The following PLD2 variants were observed in gnomAD, a reference collection of about 807,000 sequenced individuals.
PLD2 encodes choline phosphatase 2.
A neutral mutation model predicts 119.8 loss-of-function variants in PLD2; 101 were observed. That is an observed-to-expected ratio of 0.84 (90% CI 0.72 to 0.99). PLD2 has a LOEUF of 0.99. PLD2 is among the 50% of genes least tolerant of loss of function. The pLI, the probability that PLD2 is intolerant of heterozygous loss-of-function variation, is 0.00. For synonymous variants in PLD2, 494 were observed against 482.8 expected (o/e 1.02, Z -0.30); for missense variants, 1,164 against 1,226.8 (o/e 0.95, Z 0.76).
intron 10 of PLD2, 50 bp downstream of exon 10, chr17:4,811,001 C>T: frequency 1.3e-6 from 2 of 1,549,786 alleles, no homozygotes; most frequent in Non-Finnish European, 8.7e-7. Context: ...TCTTGACCCC[C>T]TGTGTAATCT....
At chr17:4,816,047 G>C (rs1276092352) in intron 14 of PLD2, 113 bp downstream of exon 14, 12 of 814,676 alleles carry the variant, frequency 1.5e-5, no homozygotes, top group Non-Finnish European at 2.2e-5. Context: ...CCAACCTCAG[G>C]GTTCCTCAGA....
rs564771972 is a variant in PLD2 at position 4,808,346 on chromosome 17, C to T, written c.313C>T (p.Arg105Cys). ...TTCCTGGACAACCAAGAAGAAATACCGTCATTTTCAGGAGCTGCATCGGGA... is the reference window on the plus strand; with the variant it reads ...TTCCTGGACAACCAAGAAGAAATACTGTCATTTTCAGGAGCTGCATCGGGA... ...DFSWTTKKKY[R>C]HFQELHRDLL... The change falls in exon 4 of 25, where the codon CGT becomes TGT. Residue 105 changes from arginine to cysteine, a missense_variant. Coordinates refer to ENST00000263088, the MANE Select transcript of PLD2 (RefSeq NM_002663.5). This position sits in a 1 kb window ranked among gnomAD's most constrained non-coding sequence, Gnocchi z 4.1. 1.9e-6 allele frequency: 3 copies of T among 1,613,910 alleles called. No individual in the cohort carries two copies. Among genetic ancestry groups the T allele is most frequent in the Non-Finnish European group, 2.5e-6 (3 of 1,179,846 alleles).
chr17:4,811,744 C>T (rs901412524), intron 10 of PLD2, among the ~76,000 whole-genome samples: 1 of 152,166 alleles, frequency 6.6e-6, no homozygotes, highest in African/African-American at 2.4e-5. Flanking sequence ...GCAGGGATAT[C>T]AGGACAGGTT....
chr17:4,819,342 TGCAG>T lies in PLD2; in HGVS notation c.2309-84_2309-81del, dbSNP rs1907398965. 1 of 1,601,050 alleles carries T rather than the reference TGCAG, an allele frequency of 6.2e-7. No homozygotes were observed. Among genetic ancestry groups the T allele is most frequent in the Non-Finnish European group, 8.5e-7 (1 of 1,172,026 alleles). On this transcript the variant is annotated intron_variant, in intron 22 of 24. Transcript: ENST00000263088. This position sits in a 1 kb window ranked among gnomAD's most constrained non-coding sequence, Gnocchi z 4.2. ...GGGTGGAGGGTCCAAGAAGGAATGT[TGCAG>T]GCCAGTGCTTTGGTAGAGGGGATGG... is the stretch of plus-strand genomic sequence containing the variant.
intron 23 of PLD2, among the ~76,000 whole-genome samples, chr17:4,820,505 C>G (rs1167243159): frequency 2.0e-5 from 3 of 148,456 alleles, no homozygotes; most frequent in African/African-American, 7.5e-5. Context: ...TGACCTCAGG[C>G]TTCGGCCTCC....
intron 10 of PLD2, among the ~76,000 whole-genome samples, chr17:4,812,066 C>T (rs150426397): frequency 5.3e-4 from 81 of 151,902 alleles, no homozygotes; most frequent in African/African-American, 1.7e-3. Flanking sequence ...CATCCTGCCT[C>T]GGCCTCCCCA....
rs1348426027 is a variant in PLD2, at chr17:4,807,778, G to A, written c.6G>A (p.Thr2=). M[T]ATPESLFPTG... ...GGCTTCCCAATGTTCCTAGGATGAC[G>A]GCGACCCCTGAGAGCCTCTTCCCCA... The change falls in exon 2 of 25, where the codon ACG becomes ACA. Residue 2 remains threonine (T), a synonymous_variant. Coordinates refer to ENST00000263088, the MANE Select transcript of PLD2 (RefSeq NM_002663.5). This position sits in a 1 kb window ranked among gnomAD's most constrained non-coding sequence, Gnocchi z 5.4. The A allele has an allele frequency of 6.3e-7, 1 of 1,595,956 alleles. No homozygotes were observed. Among genetic ancestry groups the A allele is most frequent in the East Asian group, 2.2e-5 (1 of 44,748 alleles).
chr17:4,809,437 G>C, intron 6 of PLD2, 56 bp from the exon 7 acceptor site: 4 of 1,610,366 alleles, frequency 2.5e-6, no homozygotes, highest in Non-Finnish European at 3.4e-6. Context: ...AGGGGCCCCA[G>C]GGTCTGAGGG....
chr17:4,811,014 G>C, intron 10 of PLD2, 63 bp downstream of exon 10: 1 of 1,498,476 alleles, frequency 6.7e-7, no homozygotes, highest in Non-Finnish European at 9.0e-7. Context: ...TGTAATCTCT[G>C]AGTCCTTCAT....
chr17:4,818,861 C>T lies in PLD2; in HGVS notation c.2173+38C>T, dbSNP rs1907327234. ...GGCTGGGGGCTCAAGCCCTGGGCCC[C>T]TGGGAGAGGGAGATTGGGGCGCTGC... is the stretch of plus-strand genomic sequence containing the variant. On this transcript the variant is annotated intron_variant, in intron 21 of 24. Coordinates refer to ENST00000263088, the MANE Select transcript of PLD2 (RefSeq NM_002663.5). 1.9e-6 allele frequency: 3 copies of T among 1,603,606 alleles called. No homozygotes were observed. In the Admixed American group the frequency reaches 5.0e-5, roughly 27 times the overall value.
In PLD2 at chr17:4,819,329, C is replaced by T; in HGVS notation, c.2309-100C>T. On this transcript the variant is annotated intron_variant, in intron 22 of 24. Coordinates refer to ENST00000263088, the MANE Select transcript of PLD2 (RefSeq NM_002663.5). This position sits in a 1 kb window ranked among gnomAD's most constrained non-coding sequence, Gnocchi z 4.2. ...GAGGCTCGTGTAGGGGTGGAGGGTC[C>T]AAGAAGGAATGTTGCAGGCCAGTGC... 1 of 1,596,730 alleles carries T rather than the reference C, an allele frequency of 6.3e-7. No homozygotes were observed.
intron 11 of PLD2, 46 bp from the exon 12 acceptor site, chr17:4,814,587 T>C (rs1249290329): frequency 6.2e-7 from 1 of 1,613,144 alleles, no homozygotes; most frequent in Non-Finnish European, 8.5e-7. Context: ...GTGCAGCTGG[T>C]GGTCTGGGGC....
At chr17:4,812,765 A>C (rs1007761499) in intron 10 of PLD2, among the ~76,000 whole-genome samples, 1 of 152,162 alleles carries the variant, frequency 6.6e-6, no homozygotes, top group East Asian at 1.9e-4. Context: ...GGGAACATAC[A>C]CTTGCTGATC....
chr17:4,823,045 C>A lies in PLD2; in HGVS notation c.*181C>A, dbSNP rs1907839896. 10 of 576,850 alleles carry A rather than the reference C, an allele frequency of 1.7e-5. No homozygotes were observed. Among genetic ancestry groups the A allele is most frequent in the Middle Eastern group, 4.5e-4 (1 of 2,212 alleles). 35.7% of individuals were successfully genotyped at this position (576,850 alleles called of 1,614,324 possible). On this transcript the variant is annotated 3_prime_UTR_variant, in exon 25 of 25. Coordinates refer to ENST00000263088, the MANE Select transcript of PLD2 (RefSeq NM_002663.5). Reference sequence around the variant, plus strand: ...TGAGAAATAGCTGAAAAGGGCACTCCCAACCCTGGGCTGGGGAGGAGGAGA... The same window carrying A: ...TGAGAAATAGCTGAAAAGGGCACTCACAACCCTGGGCTGGGGAGGAGGAGA...
intron 18 of PLD2, 62 bp from the exon 19 acceptor site, chr17:4,818,235 T>C (rs751549957): frequency 1.8e-4 from 278 of 1,507,450 alleles, no homozygotes; most frequent in Non-Finnish European, 2.5e-4. Context: ...GGACCAAGGC[T>C]GGAGGCCGAG....
intron 14 of PLD2, 38 bp from the exon 15 acceptor site, chr17:4,816,582 T>A (rs1301021778): frequency 6.2e-7 from 1 of 1,610,562 alleles, no homozygotes; most frequent in Admixed American, 1.7e-5. Context: ...GCCCCATGAC[T>A]TCCCCTTGCC....
rs1462153469 is a variant in PLD2, at chr17:4,822,024, C to T, written c.2577+117C>T. On this transcript the variant is annotated intron_variant, in intron 24 of 24. Coordinates refer to ENST00000263088, the MANE Select transcript of PLD2 (RefSeq NM_002663.5). ...GTCATTATTGGAAGGGGGATGAGGGCCTGGGGACATTTGCTATCAAGAGAT... is the reference window on the plus strand; with the variant it reads ...GTCATTATTGGAAGGGGGATGAGGGTCTGGGGACATTTGCTATCAAGAGAT... The T allele has an allele frequency of 2.9e-5, 19 of 665,910 alleles. No individual in the cohort carries two copies. In the South Asian group the frequency reaches 3.1e-4, roughly 11 times the overall value. The allele number at this position is 665,910 out of a possible 1,614,324, so 41.3% of individuals were successfully genotyped here. A position where few individuals can be genotyped will look rare whatever the true frequency, so the allele number is the denominator to read the frequency against.
chr17:4,819,421 C>T lies in PLD2; in HGVS notation c.2309-8C>T. 4 of 1,612,830 alleles carry T rather than the reference C, an allele frequency of 2.5e-6. No homozygotes were observed. Among genetic ancestry groups the T allele is most frequent in the Non-Finnish European group, 3.4e-6 (4 of 1,179,412 alleles). ...CCAAGCACACAGTGTGCCCCGCATC[C>T]ACCCCAGGTTCTGCAAACATCAATG... On this transcript the variant is annotated splice_polypyrimidine_tract_variant and splice_region_variant and intron_variant, in intron 22 of 24. Transcript: ENST00000263088. This position sits in a 1 kb window ranked among gnomAD's most constrained non-coding sequence, Gnocchi z 4.2.
intron 17 of PLD2, 176 bp downstream of exon 17, chr17:4,817,435 G>C (rs1024744587): frequency 3.6e-5 from 22 of 610,396 alleles, no homozygotes; most frequent in Non-Finnish European, 6.5e-5. Context: ...GGCCAAGGCA[G>C]GCGGATCACA....
Sources: allele counts gnomAD v4.1 joint callset (sites outside exome capture counted in the v4.1 genomes callset), GRCh38; gene constraint gnomAD v4.1.1; non-coding constraint Gnocchi (gnomAD v3.1); transcripts MANE v1.5; gene names NCBI Gene and HGNC (gene_info 2026-07-23, HGNC 2026-07-21).